Variants in PPFIBP1 observed in about 807,000 individuals in gnomAD.
PPFIBP1 encodes liprin-beta-1.
A neutral mutation model predicts 137.8 loss-of-function variants in PPFIBP1; 112 were observed. The observed-to-expected ratio is 0.81, with a 90% CI of 0.70 to 0.95. The LOEUF (loss-of-function observed/expected upper bound fraction) is 0.95, where lower values mean the gene tolerates loss of function less well. Ranked by LOEUF, PPFIBP1 falls within the 40% of genes least tolerant of loss-of-function variation. PPFIBP1 has a pLI of 0.00. For missense variants in PPFIBP1, 1,083 were observed against 1,196.6 expected (o/e 0.91, Z 1.40); for synonymous variants, 378 against 417.3 (o/e 0.91, Z 1.15).
intron 1 of PPFIBP1, among the ~76,000 whole-genome samples, chr12:27,540,364 C>T (rs1164864822): frequency 6.6e-6 from 1 of 151,472 alleles, no homozygotes; most frequent in East Asian, 1.9e-4. Flanking sequence ...CCGAGAAAGC[C>T]ATCCCAAAGA....
At chr12:27,595,893 ATATATAT>A (rs1565838185) in intron 2 of PPFIBP1, among the ~76,000 whole-genome samples, 1,122 of 84,304 alleles carry the variant, frequency 0.013, 10 homozygotes, top group South Asian at 0.026. Context: ...CAAAATATAT[ATATATAT>A]ATATATATAT....
intron 5 of PPFIBP1, 169 bp downstream of exon 5, chr12:27,646,317 G>A (rs1221611824): frequency 1.5e-6 from 1 of 646,366 alleles, no homozygotes; most frequent in African/African-American, 1.8e-5. Context: ...GAATGATGGT[G>A]TTTACACCCA....
intron 1 of PPFIBP1, among the ~76,000 whole-genome samples, chr12:27,570,838 G>A (rs192599155): frequency 2.0e-4 from 30 of 152,126 alleles, no homozygotes; most frequent in Admixed American, 1.4e-3. Context: ...GCGTGAACCC[G>A]GGAGGCAGAG....
chr12:27,610,563 T>G (rs1046232882), intron 2 of PPFIBP1, among the ~76,000 whole-genome samples: 5 of 152,226 alleles, frequency 3.3e-5, no homozygotes, highest in Non-Finnish European at 7.3e-5. Flanking sequence ...ATGGCTTGAA[T>G]TATTTGAGTC....
At chr12:27,557,768 G>C (rs552565437) in intron 1 of PPFIBP1, among the ~76,000 whole-genome samples, 2 of 152,158 alleles carry the variant, frequency 1.3e-5, no homozygotes, top group African/African-American at 4.8e-5. Flanking sequence ...GTCTATTTAA[G>C]TGCTAAATGC....
intron 2 of PPFIBP1, among the ~76,000 whole-genome samples, chr12:27,589,464 T>C (rs1481864597): frequency 6.6e-6 from 1 of 152,200 alleles, no homozygotes; most frequent in Non-Finnish European, 1.5e-5. Context: ...TTTGACACTA[T>C]AATTAAGAGA....
intron 18 of PPFIBP1, 177 bp downstream of exon 18, chr12:27,676,776 GAT>G: frequency 1.4e-6 from 1 of 701,786 alleles, no homozygotes; most frequent in Non-Finnish European, 2.4e-6. Flanking sequence ...GTGTTGTGAA[GAT>G]ATATAGACTC....
chr12:27,591,093 G>GA (rs2052460827), intron 2 of PPFIBP1, among the ~76,000 whole-genome samples: 1 of 151,250 alleles, frequency 6.6e-6, no homozygotes, highest in African/African-American at 2.4e-5. Flanking sequence ...TAAAGATCAA[G>GA]ACTTTTTTTT....
chr12:27,686,069 A>G (rs2061184425), intron 24 of PPFIBP1, among the ~76,000 whole-genome samples: 1 of 152,164 alleles, frequency 6.6e-6, no homozygotes. Context: ...AAGAGTCCAG[A>G]CTGAAATGTT....
chr12:27,538,410 T>C (rs1170416225), intron 1 of PPFIBP1: 1 of 152,226 alleles, frequency 6.6e-6, no homozygotes, highest in Non-Finnish European at 1.5e-5. Context: ...CATCTACTTG[T>C]TATTTGAAAT....
chr12:27,611,022 C>G (rs113582789), intron 2 of PPFIBP1, among the ~76,000 whole-genome samples: 2,129 of 152,222 alleles, frequency 0.014, 25 homozygotes, highest in Non-Finnish European at 0.015. Context: ...CTCTGGAGGT[C>G]ATTGCCAGAT....
At chr12:27,663,865 GA>G (rs2059696839) in intron 11 of PPFIBP1, among the ~76,000 whole-genome samples, 1 of 151,864 alleles carries the variant, frequency 6.6e-6, no homozygotes, top group Non-Finnish European at 1.5e-5. Flanking sequence ...GAAAAAGGAT[GA>G]AAAGTGTTCA....
chr12:27,603,289 A>G (rs1471833614), intron 2 of PPFIBP1, among the ~76,000 whole-genome samples: 2 of 152,238 alleles, frequency 1.3e-5, no homozygotes, highest in Admixed American at 6.5e-5. Context: ...AGAGATGATA[A>G]TGTTGTCTTT....
chr12:27,602,427 G>T (rs1290589923), intron 2 of PPFIBP1, among the ~76,000 whole-genome samples: 2 of 152,214 alleles, frequency 1.3e-5, no homozygotes, highest in Non-Finnish European at 2.9e-5. Context: ...GTGTGTGTGT[G>T]TGAAATCTAT....
At chr12:27,654,542 T>G (rs938495494) in intron 7 of PPFIBP1, 180 bp from the exon 8 acceptor site, 3 of 739,518 alleles carry the variant, frequency 4.1e-6, no homozygotes, top group Non-Finnish European at 5.9e-6. Context: ...AGGAATGTTT[T>G]AAATGGAAAG....
At chr12:27,615,746 A>G (rs1403093489) in intron 2 of PPFIBP1, among the ~76,000 whole-genome samples, 3 of 152,198 alleles carry the variant, frequency 2.0e-5, no homozygotes, top group African/African-American at 7.2e-5. Flanking sequence ...ATTTTCCACA[A>G]AAGAGGCAGA....
At chr12:27,643,755 A>T (rs1470135919) in intron 4 of PPFIBP1, among the ~76,000 whole-genome samples, 1 of 103,814 alleles carries the variant, frequency 9.6e-6, no homozygotes. Context: ...ATATAAACAC[A>T]GGTGGACAGA....
intron 1 of PPFIBP1, among the ~76,000 whole-genome samples, chr12:27,538,862 T>G (rs999863150): frequency 2.6e-5 from 4 of 152,216 alleles, no homozygotes; most frequent in Non-Finnish European, 5.9e-5. Context: ...TACTGTATAC[T>G]TTTGTAGCAG....
chr12:27,652,042 A>C lies in PPFIBP1; in HGVS notation c.603+1901A>C, dbSNP rs1465906993. On this transcript the variant is annotated intron_variant, in intron 7 of 29. Coordinates refer to ENST00000228425, the MANE Select transcript of PPFIBP1 (RefSeq NM_003622.4). ...CCGGAGATTAGAGCATATGTGGTAA[A>C]CTTTGTGATGTTACATATGAAAATA... Among the ~76,000 whole-genome samples the C allele has an allele frequency of 3.3e-5, 5 of 152,320 alleles. No homozygotes were observed. In the East Asian group the frequency reaches 9.6e-4, roughly 29 times the overall value.
Sources: gnomAD v4.1 joint callset for allele counts (sites outside exome capture counted in the v4.1 genomes callset) on GRCh38, gnomAD v4.1.1 for gene constraint, MANE v1.5 for transcripts, NCBI Gene and HGNC (gene_info 2026-07-23, HGNC 2026-07-21) for gene names.